The following GLG1 variants were observed in gnomAD, a reference collection of about 807,000 sequenced individuals.
GLG1 encodes golgi glycoprotein 1, also known as Golgi apparatus protein 1.
A neutral mutation model predicts 160.5 loss-of-function variants in GLG1; 38 were observed. That is an observed-to-expected ratio of 0.24 (90% CI 0.18 to 0.31). The LOEUF is 0.31. Among genes scored for constraint, GLG1 ranks in the 10% least tolerant of loss-of-function variants. GLG1 has a pLI of 1.00. For synonymous variants in GLG1, 644 were observed against 543.4 expected, an observed-to-expected ratio of 1.19 and a Z score of -2.57; for missense variants, 1,373 against 1,505.2, an observed-to-expected ratio of 0.91 and a Z score of 1.45.
chr16:74,596,793 A>G (rs1200992780), intron 1 of GLG1, among the ~76,000 whole-genome samples: 1 of 152,158 alleles, frequency 6.6e-6, no homozygotes, highest in Non-Finnish European at 1.5e-5. Context: ...GAGGCAAGCT[A>G]TTTAGAATCA....
intron 8 of GLG1, among the ~76,000 whole-genome samples, chr16:74,488,622 T>G (rs1340154517): frequency 6.6e-6 from 1 of 152,144 alleles, no homozygotes. Flanking sequence ...TTTAATGTTT[T>G]AATTTTTTAT....
In GLG1 at chr16:74,540,947, C is replaced by A. The variant is rs1458558065; in HGVS notation, c.439-8794G>T. The stretch of plus-strand genomic sequence containing the variant: ...TGAAAGTGGCGCTAATGTTTATAAA[C>A]TGCTTTGTAGGAAATACATCAAAAA... On this transcript the variant is annotated intron_variant, in intron 1 of 25. Coordinates refer to ENST00000422840, the MANE Select transcript of GLG1 (RefSeq NM_001145667.2). 2.6e-5 allele frequency among the ~76,000 whole-genome samples: 4 copies of A among 152,234 alleles called. No homozygotes were observed. The East Asian group carries it at 5.8e-4, about 22-fold the overall frequency.
intron 7 of GLG1, among the ~76,000 whole-genome samples, chr16:74,492,682 A>G (rs898732152): frequency 1.3e-5 from 2 of 152,032 alleles, no homozygotes; most frequent in African/African-American, 2.4e-5. Flanking sequence ...AGCCAGGCGC[A>G]GTGGCACTCG....
At chr16:74,580,447 C>T (rs1244084750) in intron 1 of GLG1, among the ~76,000 whole-genome samples, 1 of 152,096 alleles carries the variant, frequency 6.6e-6, no homozygotes, top group Non-Finnish European at 1.5e-5. Flanking sequence ...TGCAGTAAGC[C>T]ATATTCACGC....
chr16:74,513,070 G>A (rs1221272750), intron 2 of GLG1, among the ~76,000 whole-genome samples: 7 of 152,196 alleles, frequency 4.6e-5, no homozygotes, highest in Admixed American at 2.6e-4. Flanking sequence ...GGGCGCAGGG[G>A]TCAGATCACA....
intron 3 of GLG1, among the ~76,000 whole-genome samples, chr16:74,505,377 T>C (rs1029812481): frequency 1.3e-5 from 2 of 152,258 alleles, no homozygotes; most frequent in Non-Finnish European, 2.9e-5. Flanking sequence ...ACAGTCAAGA[T>C]GAATGAAATT....
intron 5 of GLG1, 34 bp downstream of exon 5, chr16:74,496,407 A>C (rs1272213556): frequency 7.2e-7 from 1 of 1,386,030 alleles, no homozygotes; most frequent in South Asian, 1.2e-5. Context: ...GTAAAAATAA[A>C]AGGAAGAAAA....
Position 74,493,039 on chromosome 16 carries a change from C to A in GLG1, c.1152G>T (p.Arg384=), listed in dbSNP as rs755917538. Residue 384 remains arginine (R), a synonymous_variant, in exon 7 of 26, where the codon CGG becomes CGT. Coordinates refer to ENST00000422840, the MANE Select transcript of GLG1 (RefSeq NM_001145667.2). ...KSCKSDLKKY[R]CNVENLPRSR... is the part of the protein sequence containing the mutation. ...ATCGCGGAAGGTTTTCCACATTGCA[C>A]CGGTATTTCTTCAAGTCACTTTTAC... The A allele has an allele frequency of 6.2e-7, 1 of 1,613,834 alleles. No individual in the cohort carries two copies. The highest frequency in any genetic ancestry group is 8.5e-7 in the Non-Finnish European group (1 of 1,179,778).
chr16:74,527,947 C>T (rs539408926), intron 2 of GLG1, among the ~76,000 whole-genome samples: 17 of 145,018 alleles, frequency 1.2e-4, no homozygotes, highest in Non-Finnish European at 1.9e-4. Context: ...TGCAGTGGTG[C>T]AGTCTCGGCT....
At chr16:74,500,570 C>A (rs1264673340) in intron 4 of GLG1, among the ~76,000 whole-genome samples, 2 of 151,832 alleles carry the variant, frequency 1.3e-5, no homozygotes, top group Non-Finnish European at 2.9e-5. Flanking sequence ...TTCTCTATTT[C>A]AATCCTTCTG....
At chr16:74,457,579 CATG>C (rs1408348253) in intron 24 of GLG1, among the ~76,000 whole-genome samples, 1 of 152,118 alleles carries the variant, frequency 6.6e-6, no homozygotes, top group Non-Finnish European at 1.5e-5. Flanking sequence ...GGAAAAGGAC[CATG>C]ATGATGACTT....
intron 1 of GLG1, among the ~76,000 whole-genome samples, chr16:74,559,491 AG>A (rs1390540379): frequency 6.8e-6 from 1 of 146,698 alleles, no homozygotes; most frequent in African/African-American, 2.5e-5. Flanking sequence ...ATGGGGGGGC[AG>A]GGGACAACAC....
rs569172606 is a variant in GLG1, at chr16:74,492,322, G to C, written c.1234+635C>G. On this transcript the variant is annotated intron_variant, in intron 7 of 25. Coordinates refer to ENST00000422840, the MANE Select transcript of GLG1 (RefSeq NM_001145667.2). Reference sequence around the variant, plus strand: ...TCGGAGGTAGCAGTGAGCTGAGATTGTGCCACTGCACTACAGCCTGGTGAC... The same window carrying C: ...TCGGAGGTAGCAGTGAGCTGAGATTCTGCCACTGCACTACAGCCTGGTGAC... Among the ~76,000 whole-genome samples the C allele has an allele frequency of 3.3e-5, 5 of 150,532 alleles. No individual in the cohort carries two copies. In the South Asian group the frequency reaches 6.3e-4, roughly 19 times the overall value.
At chr16:74,572,527 C>CAAA (rs35659060) in intron 1 of GLG1, among the ~76,000 whole-genome samples, 2 of 127,486 alleles carry the variant, frequency 1.6e-5, no homozygotes, top group Non-Finnish European at 3.3e-5. Flanking sequence ...AAAAAACAAA[C>CAAA]AAAAAAAAAA....
chr16:74,494,690 C>A, intron 6 of GLG1, 70 bp downstream of exon 6: 3 of 725,714 alleles, frequency 4.1e-6, no homozygotes, highest in Admixed American at 1.9e-5. Context: ...CAGGCGTGAG[C>A]CACCGTGTCT....
chr16:74,589,792 C>G (rs917202443), intron 1 of GLG1, among the ~76,000 whole-genome samples: 1 of 152,012 alleles, frequency 6.6e-6, no homozygotes, highest in African/African-American at 2.4e-5. Context: ...AAATTCTTGG[C>G]CGAGCACGGT....
intron 1 of GLG1, among the ~76,000 whole-genome samples, chr16:74,565,518 G>A (rs1870290419): frequency 1.3e-5 from 2 of 152,288 alleles, no homozygotes; most frequent in Middle Eastern, 3.4e-3. Flanking sequence ...CTCAGTCTCC[G>A]CCAATCACAG....
At chr16:74,462,733 A>G (rs1379719700) in intron 20 of GLG1, 103 bp from the exon 21 acceptor site, 2 of 1,019,418 alleles carry the variant, frequency 2.0e-6, no homozygotes, top group East Asian at 4.8e-5. Flanking sequence ...AATGATCATG[A>G]CTACAACCAT....
chr16:74,500,219 G>A (rs566229481), intron 4 of GLG1, among the ~76,000 whole-genome samples: 2 of 152,160 alleles, frequency 1.3e-5, no homozygotes, highest in African/African-American at 4.8e-5. Context: ...AAAGTGAGGT[G>A]AACTACACAC....
Sources: allele counts gnomAD v4.1 joint callset (sites outside exome capture counted in the v4.1 genomes callset), GRCh38; gene constraint gnomAD v4.1.1; transcripts MANE v1.5; gene names NCBI Gene and HGNC (gene_info 2026-07-23, HGNC 2026-07-21).